The following CEP350 variants were observed in gnomAD, a reference collection of about 807,000 sequenced individuals.
CEP350 encodes centrosome-associated protein 350.
CEP350 carries 126 observed loss-of-function variants against 331.8 expected under a neutral mutation model. The observed-to-expected ratio is 0.38, with a 90% CI of 0.33 to 0.44. The LOEUF (loss-of-function observed/expected upper bound fraction) is 0.44, where lower values mean the gene tolerates loss of function less well. CEP350 is among the 20% of genes least tolerant of loss of function. The pLI, the probability that CEP350 is intolerant of heterozygous loss-of-function variation, is 1.00. For synonymous variants in CEP350, 1,200 were observed against 1,259.5 expected (o/e 0.95, Z 1.00); for missense variants, 3,406 against 3,634.6 (o/e 0.94, Z 1.62).
intron 1 of CEP350, among the ~76,000 whole-genome samples, chr1:179,985,444 T>C (rs1020079102): frequency 6.6e-6 from 1 of 152,244 alleles, no homozygotes; most frequent in Admixed American, 6.5e-5. Context: ...CTATGAATAA[T>C]GCTGCTTTGA....
chr1:180,053,656 C>T, intron 23 of CEP350, 94 bp from the exon 24 acceptor site: 3 of 671,800 alleles, frequency 4.5e-6, no homozygotes, highest in Non-Finnish European at 7.3e-6. Context: ...TTGTTAAATA[C>T]ATAGTTTGTT....
intron 16 of CEP350, among the ~76,000 whole-genome samples, chr1:180,034,309 T>C (rs778529915): frequency 2.6e-5 from 4 of 152,116 alleles, no homozygotes; most frequent in Non-Finnish European, 5.9e-5. Context: ...TCAAAACATA[T>C]CTGAAAAATA....
At chr1:180,056,708 C>G (rs953287781) in intron 25 of CEP350, among the ~76,000 whole-genome samples, 1 of 151,988 alleles carries the variant, frequency 6.6e-6, no homozygotes, top group South Asian at 2.1e-4. Flanking sequence ...GTGATCCCCC[C>G]ACGTTGGCCT....
chr1:180,011,809 G>A, intron 8 of CEP350, 120 bp from the exon 9 acceptor site: 1 of 656,712 alleles, frequency 1.5e-6, no homozygotes, highest in Non-Finnish European at 2.5e-6. Context: ...TCATTATATT[G>A]TAAATCTTTT....
chr1:180,030,346 CATA>C, intron 14 of CEP350, among the ~76,000 whole-genome samples: 1 of 123,344 alleles, frequency 8.1e-6, no homozygotes, highest in South Asian at 2.6e-4. Context: ...TATATATAAA[CATA>C]ATATATATAT....
At chr1:180,014,750 T>C (rs942315511) in intron 10 of CEP350, among the ~76,000 whole-genome samples, 1 of 152,204 alleles carries the variant, frequency 6.6e-6, no homozygotes, top group African/African-American at 2.4e-5. Flanking sequence ...TGCTATTAGT[T>C]ACATCCCTGC....
chr1:180,007,314 A>G (rs906958424), intron 8 of CEP350, among the ~76,000 whole-genome samples: 1 of 152,184 alleles, frequency 6.6e-6, no homozygotes, highest in African/African-American at 2.4e-5. Context: ...AACTGGCATG[A>G]GATGGTATCT....
At chr1:180,062,683 G>A (rs1238627806) in intron 26 of CEP350, among the ~76,000 whole-genome samples, 1 of 152,188 alleles carries the variant, frequency 6.6e-6, no homozygotes, top group Admixed American at 6.5e-5. Context: ...GTGATGCAGG[G>A]CATCACATGA....
rs914412158 is a variant in CEP350, at chr1:180,113,705, A to C, written c.*2544A>C. 7.9e-5 allele frequency: 12 copies of C among 152,246 alleles called. No homozygotes were observed. Among genetic ancestry groups the C allele is most frequent in the Non-Finnish European group, 1.2e-4 (8 of 68,046 alleles). The allele number at this position is 152,246 out of a possible 1,614,324, so 9.4% of individuals were successfully genotyped here. On this transcript the variant is annotated 3_prime_UTR_variant, in exon 38 of 38. Coordinates refer to ENST00000367607, the MANE Select transcript of CEP350 (RefSeq NM_014810.5). ...ACTCGTTCCATATTGGTATCTTTTT[A>C]AATCAGCTCTGCCTCTTAATCAAGA...
intron 37 of CEP350, among the ~76,000 whole-genome samples, chr1:180,108,500 A>G (rs1230586318): frequency 2.0e-5 from 3 of 151,550 alleles, no homozygotes; most frequent in East Asian, 1.9e-4. Context: ...ACTCTGTCTC[A>G]AAAAAAAAGT....
In CEP350 at chr1:180,014,288, A is replaced by G; in HGVS notation, c.1835A>G (p.Asn612Ser). 1.3e-6 allele frequency: 2 copies of G among 1,599,266 alleles called. No individual in the cohort carries two copies. Among genetic ancestry groups the G allele is most frequent in the Admixed American group, 1.7e-5 (1 of 57,200 alleles). ...RQQEERKRKQ[N>S]EEKKAQKEAT... The stretch of plus-strand genomic sequence containing the variant: ...CAGGAGGAAAGGAAGAGAAAGCAAA[A>G]TGAAGAGAAGAAGGCTCAAAAGGAG... The change falls in exon 10 of 38, where the codon AAT becomes AGT. Residue 612 changes from asparagine (N) to serine (S), a missense_variant. Transcript: ENST00000367607.
At position 180,012,067 on chromosome 1, in the gene CEP350, C is replaced by G; in HGVS notation, c.1385C>G (p.Ala462Gly). Reference protein sequence around the residue: ...SSDRGGRERTAKSGGHIGRAE... With the variant: ...SSDRGGRERTGKSGGHIGRAE... Reference sequence around the variant, plus strand: ...GACAGAGGTGGAAGAGAAAGAACTGCTAAATCTGGTAAGTAGCTATAATTA... The same window carrying G: ...GACAGAGGTGGAAGAGAAAGAACTGGTAAATCTGGTAAGTAGCTATAATTA... Residue 462 changes from alanine (A) to glycine (G), a missense_variant, in exon 9 of 38, where the codon GCT (alanine) becomes GGT (glycine). Physicochemically the swap from Ala to Gly is moderately conservative, Grantham distance 60. This residue lies in a region of CEP350 where 1,857 missense variants were observed against 1,909.2 expected (regional missense o/e 0.97). Coordinates refer to ENST00000367607, the MANE Select transcript of CEP350 (RefSeq NM_014810.5). 1 of 1,553,586 alleles carries G rather than the reference C, an allele frequency of 6.4e-7. No homozygotes were observed. The highest frequency in any genetic ancestry group is 8.7e-7 in the Non-Finnish European group (1 of 1,150,290).
chr1:180,052,005 A>G (rs982106314), intron 22 of CEP350, among the ~76,000 whole-genome samples: 11 of 152,262 alleles, frequency 7.2e-5, no homozygotes, highest in Admixed American at 3.3e-4. Flanking sequence ...GTACTGGATC[A>G]TAGACATAAG....
intron 28 of CEP350, among the ~76,000 whole-genome samples, chr1:180,076,257 G>A (rs1168103932): frequency 2.0e-5 from 3 of 151,988 alleles, no homozygotes; most frequent in Non-Finnish European, 4.4e-5. Context: ...CATTTTATGA[G>A]GCTAGTATAT....
At position 180,043,154 on chromosome 1, in the gene CEP350, C is replaced by T; in HGVS notation, c.4461C>T (p.Asp1487=). 6.2e-7 allele frequency: 1 copy of T among 1,613,690 alleles called. No individual in the cohort carries two copies. The highest frequency in any genetic ancestry group is 8.5e-7 in the Non-Finnish European group (1 of 1,179,688). ...LYDHQRQHLP[D]FVKQLRTRTE... The stretch of plus-strand genomic sequence containing the variant: ...ACCACCAACGGCAGCACCTTCCAGA[C>T]TTTGTGAAACAGCTGAGGACCAGAA... Residue 1487 remains aspartate (D), a synonymous_variant, in exon 20 of 38, where the codon GAC becomes GAT. Coordinates refer to ENST00000367607, the MANE Select transcript of CEP350 (RefSeq NM_014810.5).
chr1:180,021,105 T>C (rs1274736199), intron 12 of CEP350, 96 bp downstream of exon 12: 1 of 1,135,746 alleles, frequency 8.8e-7, no homozygotes, highest in East Asian at 2.7e-5. Flanking sequence ...ACATTTTTCG[T>C]TGAGTGGATA....
intron 14 of CEP350, among the ~76,000 whole-genome samples, chr1:180,031,116 A>G (rs1160907425): frequency 3.3e-5 from 5 of 152,096 alleles, no homozygotes; most frequent in Admixed American, 3.3e-4. Flanking sequence ...AATTAATGGA[A>G]GAAACTTCAC....
intron 1 of CEP350, among the ~76,000 whole-genome samples, chr1:179,969,895 A>G (rs1040991225): frequency 6.6e-6 from 1 of 152,184 alleles, no homozygotes; most frequent in Non-Finnish European, 1.5e-5. Flanking sequence ...TATAAGGGAA[A>G]ATTTTATAGT....
At chr1:180,061,075 T>A (rs954846706) in intron 25 of CEP350, among the ~76,000 whole-genome samples, 16 of 152,180 alleles carry the variant, frequency 1.1e-4, no homozygotes, top group African/African-American at 3.9e-4. Context: ...AATGTAGATG[T>A]TTATAAAGCA....
Sources: allele counts gnomAD v4.1 joint callset (sites outside exome capture counted in the v4.1 genomes callset), GRCh38; gene constraint gnomAD v4.1.1; regional missense constraint gnomAD v4.1.1; transcripts MANE v1.5; gene names NCBI Gene and HGNC (gene_info 2026-07-23, HGNC 2026-07-21).